TMEM117: variants seen among roughly 807,000 people sequenced by gnomAD.
TMEM117 encodes the protein transmembrane protein 117.
In TMEM117, 27 loss-of-function variants were observed where a neutral mutation model predicts 52.4. The ratio of observed to expected loss-of-function variants is 0.51; its 90% CI spans 0.38 to 0.71. The LOEUF is 0.71. TMEM117 is among the 30% of genes least tolerant of loss of function. TMEM117 has a pLI of 0.00. For missense variants in TMEM117, 556 were observed against 630.5 expected (o/e 0.88, Z 1.26); for synonymous variants, 215 against 206.3 (o/e 1.04, Z -0.36).
chr12:44,388,067 T>G lies in TMEM117; in HGVS notation c.940T>G (p.Leu314Val), dbSNP rs1216645398. The G allele has an allele frequency of 1.2e-6, 2 of 1,612,106 alleles. No homozygotes were observed. The highest frequency in any genetic ancestry group is 2.7e-5 in the African/African-American group (2 of 74,762). Reference sequence around the variant, plus strand: ...TGGAATTATCTTCCTCGTCTTGATTTTGGATCTTAATATGTGGAAGAACCA... The same window carrying G: ...TGGAATTATCTTCCTCGTCTTGATTGTGGATCTTAATATGTGGAAGAACCA... ...NYGIIFLVLILDLNMWKNQIF... is the reference protein window; with the variant it reads ...NYGIIFLVLIVDLNMWKNQIF... Residue 314 changes from leucine to valine, a missense_variant, in exon 8 of 8, where the codon TTG becomes GTG. Around this residue, in one of 3 missense-constraint regions of TMEM117, gnomAD observed 22 missense variants for 48.1 expected, o/e 0.46. Coordinates refer to ENST00000266534, the MANE Select transcript of TMEM117 (RefSeq NM_032256.3).
chr12:43,926,649 A>C (rs1026918308), intron 2 of TMEM117, among the ~76,000 whole-genome samples: 2 of 152,190 alleles, frequency 1.3e-5, no homozygotes. Flanking sequence ...CTCTTTACCG[A>C]AAGGTGCTTG....
chr12:43,978,377 A>G lies in TMEM117; in HGVS notation c.410+34035A>G, dbSNP rs140281517. Among the ~76,000 whole-genome samples the G allele has an allele frequency of 1.6e-3, 245 of 152,334 alleles. 4 individuals carry two copies. In the East Asian group the frequency reaches 0.036, roughly 22 times the overall value. On this transcript the variant is annotated intron_variant, in intron 3 of 7. Coordinates refer to ENST00000266534, the MANE Select transcript of TMEM117 (RefSeq NM_032256.3). Reference sequence around the variant, plus strand: ...AGGTTCTGCAATAAATAGAGTAAGCAGAGTCATTAATAATATTGATAGGCT... The same window carrying G: ...AGGTTCTGCAATAAATAGAGTAAGCGGAGTCATTAATAATATTGATAGGCT...
At chr12:44,002,381 G>A (rs2137781556) in intron 3 of TMEM117, among the ~76,000 whole-genome samples, 1 of 80,248 alleles carries the variant, frequency 1.2e-5, no homozygotes, top group African/African-American at 2.6e-5. Context: ...TTAGGGATGA[G>A]ATCTTTTGCT....
chr12:44,217,149 C>A (rs891405277), intron 5 of TMEM117, among the ~76,000 whole-genome samples: 20 of 151,902 alleles, frequency 1.3e-4, no homozygotes, highest in African/African-American at 2.4e-5. Context: ...AATAAAAAGA[C>A]CTAAGAATCA....
At chr12:44,161,052 A>G (rs1026241083) in intron 4 of TMEM117, among the ~76,000 whole-genome samples, 20 of 152,206 alleles carry the variant, frequency 1.3e-4, no homozygotes, top group African/African-American at 4.8e-4. Flanking sequence ...CTAATTGGCT[A>G]TAATCATGAA....
chr12:44,304,126 C>T (rs144488423), intron 6 of TMEM117, among the ~76,000 whole-genome samples: 1 of 152,172 alleles, frequency 6.6e-6, no homozygotes, highest in Non-Finnish European at 1.5e-5. Context: ...TCTTGAATTG[C>T]TGATACCTCT....
rs148776270 is a variant in TMEM117 at position 43,904,073 on chromosome 12, T to A, written c.278-40137T>A. 4.7e-3 allele frequency among the ~76,000 whole-genome samples: 717 copies of A among 152,326 alleles called. 7 individuals carry two copies. The highest frequency in any genetic ancestry group is 0.016 in the African/African-American group (664 of 41,570). ...AGATGGTATCATTTAAGAAAAGAAG[T>A]ATTTTGATTTTTCTAAGATCAGTTT... On this transcript the variant is annotated intron_variant, in intron 2 of 7. Transcript: ENST00000266534.
intron 3 of TMEM117, among the ~76,000 whole-genome samples, chr12:44,121,908 T>C (rs1226135606): frequency 6.6e-6 from 1 of 152,154 alleles, no homozygotes; most frequent in East Asian, 1.9e-4. Context: ...TTTGTGTCCA[T>C]TGTACTCAAT....
At chr12:43,804,541 T>C in the TMEM117 span, 1 of 1,603,886 alleles carries the variant, frequency 6.2e-7, no homozygotes, top group Non-Finnish European at 8.5e-7. Context: ...CATTTCTGGC[T>C]CTGGCAAAGA....
intron 3 of TMEM117, among the ~76,000 whole-genome samples, chr12:43,952,455 A>G (rs75479177): frequency 6.6e-6 from 1 of 152,104 alleles, no homozygotes; most frequent in Non-Finnish European, 1.5e-5. Flanking sequence ...AAATGACCTG[A>G]TGGGTCTGAA....
At chr12:44,224,678 G>A (rs913043669) in intron 5 of TMEM117, among the ~76,000 whole-genome samples, 3 of 152,144 alleles carry the variant, frequency 2.0e-5, no homozygotes, top group African/African-American at 7.2e-5. Context: ...CTATCGCCAT[G>A]TAAGTGTGGT....
chr12:43,840,418 G>A (rs148409125), intron 1 of TMEM117, among the ~76,000 whole-genome samples: 151 of 152,238 alleles, frequency 9.9e-4, no homozygotes, highest in African/African-American at 2.3e-3. Context: ...TTAACACCTC[G>A]TGCTGAAATG....
At chr12:44,239,415 C>T (rs1950035462) in intron 5 of TMEM117, among the ~76,000 whole-genome samples, 1 of 152,118 alleles carries the variant, frequency 6.6e-6, no homozygotes, top group African/African-American at 2.4e-5. Flanking sequence ...TTATCAAATA[C>T]ACTGAAATTA....
At chr12:43,877,099 CAG>C (rs550136149) in intron 2 of TMEM117, among the ~76,000 whole-genome samples, 142 of 152,106 alleles carry the variant, frequency 9.3e-4, no homozygotes, top group African/African-American at 3.2e-3. Flanking sequence ...CTTTTATAAA[CAG>C]AGCTTCAAAG....
At chr12:44,243,735 A>G (rs1183969113) in intron 5 of TMEM117, among the ~76,000 whole-genome samples, 1 of 151,734 alleles carries the variant, frequency 6.6e-6, no homozygotes, top group Non-Finnish European at 1.5e-5. Flanking sequence ...ATTCCTCCTA[A>G]CTGAAACTTT....
chr12:43,887,244 A>T (rs897444776), intron 2 of TMEM117, among the ~76,000 whole-genome samples: 6 of 152,224 alleles, frequency 3.9e-5, no homozygotes, highest in Non-Finnish European at 5.9e-5. Context: ...GGACAAAGCT[A>T]GAATCCAGTG....
At chr12:44,027,222 G>C (rs925306864) in intron 3 of TMEM117, among the ~76,000 whole-genome samples, 6 of 126,668 alleles carry the variant, frequency 4.7e-5, no homozygotes, top group Non-Finnish European at 8.0e-5. Flanking sequence ...GTCTCTCTCC[G>C]CTGCCCAGGC....
At chr12:44,011,296 A>G (rs1293324044) in intron 3 of TMEM117, among the ~76,000 whole-genome samples, 1 of 152,124 alleles carries the variant, frequency 6.6e-6, no homozygotes, top group Non-Finnish European at 1.5e-5. Flanking sequence ...TGTATATACT[A>G]TTGTTATGGT....
chr12:44,093,403 GT>G (rs1272930105), intron 3 of TMEM117, among the ~76,000 whole-genome samples: 1 of 152,016 alleles, frequency 6.6e-6, no homozygotes, highest in Non-Finnish European at 1.5e-5. Flanking sequence ...TTTTTAACCT[GT>G]TTTGCGTATA....
Sources: gnomAD v4.1 joint callset for allele counts (sites outside exome capture counted in the v4.1 genomes callset) on GRCh38, gnomAD v4.1.1 for gene constraint, gnomAD v4.1.1 regional missense constraint, MANE v1.5 for transcripts, NCBI Gene and HGNC (gene_info 2026-07-23, HGNC 2026-07-21) for gene names.